Variants in DUX4 observed in about 807,000 individuals in gnomAD.
DUX4 encodes the protein double homeobox protein 4.
At chr4:190,178,146 G>A (rs1742406330), downstream of DUX4, among the ~76,000 whole-genome samples, 19 of 151,530 alleles carry the variant, frequency 1.3e-4, no homozygotes, top group African/African-American at 3.1e-4. Context: ...ATGTCACAAC[G>A]CCCTCTGTAG....
chr4:190,182,208 T>TCAGGGTG (rs1742605726), intron 1 of DUX4: 1 of 110,390 alleles, frequency 9.1e-6, no homozygotes, highest in Non-Finnish European at 2.1e-5. Flanking sequence ...GGGTGAGGGT[T>TCAGGGTG]AGGGTGAGGG....
chr4:190,178,255 G>C (rs1742413213), downstream of DUX4, among the ~76,000 whole-genome samples: 210 of 116,892 alleles, frequency 1.8e-3, no homozygotes, highest in Middle Eastern at 0.01. Context: ...TGCATCACCT[G>C]GGTGATCAGT....
At chr4:190,180,070 T>C (rs1232959503), downstream of DUX4, among the ~76,000 whole-genome samples, 21 of 494 alleles carry the variant, frequency 0.043, no homozygotes, top group Non-Finnish European at 0.07. Context: ...CATAGGCGAA[T>C]CCAAGACAAG....
chr4:190,181,113 TTA>T (rs1742546477), intron 1 of DUX4, among the ~76,000 whole-genome samples: 1 of 150,384 alleles, frequency 6.6e-6, no homozygotes. Context: ...TAGACAATAG[TTA>T]CATCACCTGA....
chr4:190,179,444 C>CCGTGT (rs1742492959), downstream of DUX4, among the ~76,000 whole-genome samples: 4 of 26,182 alleles, frequency 1.5e-4, no homozygotes, highest in South Asian at 8.2e-4. Flanking sequence ...TGTCACAAAG[C>CCGTGT]ACCCTGTAAG....
downstream of DUX4, among the ~76,000 whole-genome samples, chr4:190,179,850 A>ATGT (rs1742516671): frequency 6.6e-6 from 1 of 152,116 alleles, no homozygotes; most frequent in African/African-American, 2.4e-5. Flanking sequence ...ATGTCACAAT[A>ATGT]CCCCCTGTAA....
chr4:190,179,806 A>AC, downstream of DUX4, among the ~76,000 whole-genome samples: 1 of 151,224 alleles, frequency 6.6e-6, no homozygotes, highest in East Asian at 2.0e-4. Context: ...AGCCTACACA[A>AC]GTATTACATC....
At chr4:190,177,340 G>A (rs1175888348), downstream of DUX4, among the ~76,000 whole-genome samples, 98 of 19,056 alleles carry the variant, frequency 5.1e-3, 1 homozygote, top group Non-Finnish European at 0.012. Flanking sequence ...CCTGTAGGCA[G>A]AGCCTAGACA....
chr4:190,179,720 T>A (rs1579835885), downstream of DUX4, among the ~76,000 whole-genome samples: 3 of 152,290 alleles, frequency 2.0e-5, no homozygotes, highest in Non-Finnish European at 4.4e-5. Flanking sequence ...TCAATCCCCC[T>A]GTGGGCACAG....
At chr4:190,178,863 ATC>A (rs1742457825), downstream of DUX4, among the ~76,000 whole-genome samples, 1 of 118,928 alleles carries the variant, frequency 8.4e-6, no homozygotes, top group Admixed American at 8.7e-5. Flanking sequence ...CAACAGTTAC[ATC>A]ACCTGGGTGA....
chr4:190,177,879 T>TGTCACA (rs1742393035), downstream of DUX4, among the ~76,000 whole-genome samples: 1 of 5,856 alleles, frequency 1.7e-4, no homozygotes, highest in Non-Finnish European at 3.8e-4. Context: ...AATGTCCCTG[T>TGTCACA]AGCCATATCC....
At chr4:190,177,742 T>C (rs1579833222), downstream of DUX4, among the ~76,000 whole-genome samples, 10 of 151,434 alleles carry the variant, frequency 6.6e-5, no homozygotes, top group South Asian at 2.1e-4. Flanking sequence ...AATGCCCCTG[T>C]AGGCAGAGCC....
chr4:190,178,966 GC>G (rs1742467356), downstream of DUX4, among the ~76,000 whole-genome samples: 19 of 101,332 alleles, frequency 1.9e-4, no homozygotes, highest in South Asian at 6.5e-4. Flanking sequence ...ACGTCACAAT[GC>G]CCCCTTAGGC....
chr4:190,181,757 T>C (rs1579838074), intron 1 of DUX4, among the ~76,000 whole-genome samples: 409 of 65,534 alleles, frequency 6.2e-3, no homozygotes, highest in Middle Eastern at 0.014. Flanking sequence ...TGCAGAGATA[T>C]GTAACAATGC....
intron 1 of DUX4, among the ~76,000 whole-genome samples, chr4:190,181,546 A>AATGTTATGTCACTAT (rs1742580767): frequency 6.6e-6 from 1 of 150,858 alleles, no homozygotes; most frequent in Non-Finnish European, 1.5e-5. Flanking sequence ...TGATCAATGC[A>AATGTTATGTCACTAT]GCGATATGTC....
chr4:190,179,533 A>G (rs1222265082), downstream of DUX4, among the ~76,000 whole-genome samples: 102 of 130,104 alleles, frequency 7.8e-4, no homozygotes, highest in Admixed American at 8.8e-4. Flanking sequence ...CAGAGCCTAG[A>G]CAAGAGTTAT....
Position 190,174,373 on chromosome 4 carries a change from GGCTCTCCCACAGGGGGCTTTCGTGA to G in DUX4, c.603_627del (p.Leu202ArgfsTer182), listed in dbSNP as rs1742151824. 1 of 337,700 alleles carries G rather than the reference GGCTCTCCCACAGGGGGCTTTCGTGA, an allele frequency of 3.0e-6. No individual in the cohort carries two copies. The highest frequency in any genetic ancestry group is 5.1e-6 in the Non-Finnish European group (1 of 195,004). 20.9% of individuals were successfully genotyped at this position (337,700 alleles called of 1,614,324 possible). A position where few individuals can be genotyped will look rare whatever the true frequency, so the allele number is the denominator to read the frequency against. ...CACCCCACGTGCCCTGCGCGCCTGGGGCTCTCCCACAGGGGGCTTTCGTGAGCCAGGCAGCGAGGGCCGCCCCCGC... is the reference window on the plus strand; with the variant it reads ...CACCCCACGTGCCCTGCGCGCCTGGGGCCAGGCAGCGAGGGCCGCCCCCGC... On this transcript the variant is annotated frameshift_variant, in exon 1 of 2. Coordinates refer to ENST00000565211, the MANE Select transcript of DUX4 (RefSeq NM_001306068.3). LOFTEE classifies it high-confidence loss of function.
At chr4:190,182,050 A>G (rs1244875474) in intron 1 of DUX4, 3 of 115,344 alleles carry the variant, frequency 2.6e-5, no homozygotes, top group South Asian at 3.1e-4. Flanking sequence ...CCCCATAGGC[A>G]GAGCCTAGAC....
At chr4:190,177,385 A>G (rs1742363720), downstream of DUX4, among the ~76,000 whole-genome samples, 244 of 132,030 alleles carry the variant, frequency 1.8e-3, 2 homozygotes, top group Admixed American at 2.4e-3. Context: ...GTGCAGAAAT[A>G]TGTCACAAAG....
Sources: gnomAD v4.1 joint callset for allele counts (sites outside exome capture counted in the v4.1 genomes callset) on GRCh38, gnomAD v4.1.1 for gene constraint, MANE v1.5 for transcripts, NCBI Gene and HGNC (gene_info 2026-07-23, HGNC 2026-07-21) for gene names.